ZNF169: variants seen among roughly 807,000 people sequenced by gnomAD.
The protein encoded by ZNF169 is zinc finger protein 169.
ZNF169 carries 11 observed loss-of-function variants against 12.0 expected under a neutral mutation model. The ratio of observed to expected loss-of-function variants is 0.92; its 90% CI spans 0.58 to 1.52. The LOEUF is 1.52. Ranked by LOEUF, ZNF169 falls within the 40% of genes most tolerant of loss-of-function variation. The pLI, the probability that ZNF169 is intolerant of heterozygous loss-of-function variation, is 0.00. For missense variants in ZNF169, 722 were observed against 744.0 expected (o/e 0.97, Z 0.34); for synonymous variants, 302 against 286.5 (o/e 1.05, Z -0.55).
At chr9:94,262,557 C>G (rs1830223336) in intron 1 of ZNF169, among the ~76,000 whole-genome samples, 1 of 152,028 alleles carries the variant, frequency 6.6e-6, no homozygotes, top group Admixed American at 6.6e-5. Context: ...CTCCCAAGTT[C>G]AAGCGATTCT....
chr9:94,274,127 A>G (rs1361191165), intron 1 of ZNF169, among the ~76,000 whole-genome samples: 3 of 152,078 alleles, frequency 2.0e-5, no homozygotes, highest in African/African-American at 7.2e-5. Flanking sequence ...GGAAGTTTTT[A>G]TGTCCAAATT....
intron 2 of ZNF169, chr9:94,287,953 T>C: frequency 1.2e-6 from 1 of 832,692 alleles, no homozygotes; most frequent in Non-Finnish European, 2.1e-6. Context: ...TCCAACTTCT[T>C]GTTCACCTTC....
intron 2 of ZNF169, among the ~76,000 whole-genome samples, chr9:94,290,927 G>C (rs867141512): frequency 5.3e-5 from 8 of 150,304 alleles, no homozygotes; most frequent in African/African-American, 2.0e-4. Flanking sequence ...ACAAAAATAT[G>C]TTTTTCTTTT....
At chr9:94,265,833 G>A (rs1288268876) in intron 1 of ZNF169, among the ~76,000 whole-genome samples, 2 of 152,060 alleles carry the variant, frequency 1.3e-5, no homozygotes, top group African/African-American at 2.4e-5. Context: ...CAGATCCTCA[G>A]TAAACTTGTT....
intron 4 of ZNF169, 137 bp downstream of exon 4, chr9:94,293,206 C>A: frequency 1.3e-6 from 1 of 762,876 alleles, no homozygotes; most frequent in South Asian, 1.5e-5. Context: ...GGCTGCATGG[C>A]ACTGCCTGCC....
At chr9:94,275,264 T>C (rs1221565012) in intron 1 of ZNF169, among the ~76,000 whole-genome samples, 1 of 152,028 alleles carries the variant, frequency 6.6e-6, no homozygotes, top group Non-Finnish European at 1.5e-5. Context: ...AGAAGTATGG[T>C]TTTTACTGAA....
chr9:94,299,114 G>A lies in ZNF169; in HGVS notation c.257-701G>A, dbSNP rs376715675. ...TACGTAGTGTTGTGCAATGCTATTC[G>A]GGGAATATACTTGGCTGCAGTCTTC... On this transcript the variant is annotated intron_variant, in intron 4 of 4. Transcript: ENST00000395395. 6.1e-4 allele frequency among the ~76,000 whole-genome samples: 93 copies of A among 152,184 alleles called. 1 individual carries two copies. In the South Asian group the frequency reaches 0.018, roughly 29 times the overall value.
At position 94,276,402 on chromosome 9, in the gene ZNF169, A is replaced by G. The variant is rs914859358; in HGVS notation, c.-55-2356A>G. On this transcript the variant is annotated intron_variant, in intron 1 of 4. Transcript: ENST00000395395. ...TGCCTCAGCCTCCGGAGTAGCTGGG[A>G]TTATGGGCGCCGCCACCACACCCAG... Among the ~76,000 whole-genome samples the G allele has an allele frequency of 2.0e-5, 3 of 152,012 alleles. No homozygotes were observed. The East Asian group carries it at 5.8e-4, about 30-fold the overall frequency.
At chr9:94,293,400 G>C (rs1203170740) in intron 4 of ZNF169, 1 of 597,682 alleles carries the variant, frequency 1.7e-6, no homozygotes, top group Non-Finnish European at 2.9e-6. Context: ...CTAAGTCCCT[G>C]CCCCTGGTTT....
At chr9:94,285,424 ATAT>A (rs1830705491) in intron 2 of ZNF169, among the ~76,000 whole-genome samples, 2 of 152,102 alleles carry the variant, frequency 1.3e-5, no homozygotes, top group South Asian at 4.1e-4. Context: ...AAAAGATATA[ATAT>A]TTATATCTTT....
Position 94,260,940 on chromosome 9 carries a change from C to T in ZNF169, c.-56+1595C>T, listed in dbSNP as rs539698767. On this transcript the variant is annotated intron_variant, in intron 1 of 4. Coordinates refer to ENST00000395395, the MANE Select transcript of ZNF169 (RefSeq NM_194320.4). ...GGTTCAAGCAATTCTCTGCCTCAGGCTCCTGAGTAGCTGGTACCACAGGCG... is the reference window on the plus strand; with the variant it reads ...GGTTCAAGCAATTCTCTGCCTCAGGTTCCTGAGTAGCTGGTACCACAGGCG... Among the ~76,000 whole-genome samples, 3 of 151,126 alleles carry T rather than the reference C, an allele frequency of 2.0e-5. No individual in the cohort carries two copies. In the East Asian group the frequency reaches 5.9e-4, roughly 30 times the overall value.
Position 94,301,443 on chromosome 9 carries a change from G to GAA in ZNF169, c.*83_*84dup, listed in dbSNP as rs371684843. 32 of 1,159,530 alleles carry GAA rather than the reference G, an allele frequency of 2.8e-5. No individual in the cohort carries two copies. Among genetic ancestry groups the GAA allele is most frequent in the African/African-American group, 1.1e-4 (7 of 63,586 alleles). 71.8% of individuals were successfully genotyped at this position (1,159,530 alleles called of 1,614,324 possible). ...TGCTTCAGTTTCCTGAAATGGAATG[G>GAA]AAAAAAAAAAATGTTGCTTTCTTTC... On this transcript the variant is annotated 3_prime_UTR_variant, in exon 5 of 5. Coordinates refer to ENST00000395395, the MANE Select transcript of ZNF169 (RefSeq NM_194320.4).
At chr9:94,274,468 T>A (rs1431034749) in intron 1 of ZNF169, among the ~76,000 whole-genome samples, 3 of 152,192 alleles carry the variant, frequency 2.0e-5, no homozygotes, top group Admixed American at 2.0e-4. Flanking sequence ...TCAAGGTTTT[T>A]AAAAATATCT....
At chr9:94,267,415 T>C (rs1263602733) in intron 1 of ZNF169, among the ~76,000 whole-genome samples, 1 of 152,212 alleles carries the variant, frequency 6.6e-6, no homozygotes, top group Non-Finnish European at 1.5e-5. Flanking sequence ...AACCAGTTTT[T>C]CCAATTGTGT....
intron 1 of ZNF169, among the ~76,000 whole-genome samples, chr9:94,259,990 C>A (rs914592939): frequency 1.3e-5 from 2 of 151,256 alleles, no homozygotes; most frequent in African/African-American, 4.9e-5. Flanking sequence ...ATCTCCGCGC[C>A]CCACCCCAGC....
rs1188943781 is a variant in ZNF169 at position 94,301,535 on chromosome 9, G to C, written c.*165G>C. 9.8e-6 allele frequency: 13 copies of C among 1,322,374 alleles called. No homozygotes were observed. The allele number at this position is 1,322,374 out of a possible 1,614,324, so 81.9% of individuals were successfully genotyped here. On this transcript the variant is annotated 3_prime_UTR_variant, in exon 5 of 5. Coordinates refer to ENST00000395395, the MANE Select transcript of ZNF169 (RefSeq NM_194320.4). ...TCACAATTTGTCTTGGCTTGCTAGGGGTTCCATAACAAAGTACCCCAGGCT... is the reference window on the plus strand; with the variant it reads ...TCACAATTTGTCTTGGCTTGCTAGGCGTTCCATAACAAAGTACCCCAGGCT...
intron 1 of ZNF169, among the ~76,000 whole-genome samples, chr9:94,265,102 C>T (rs1334991815): frequency 1.5e-5 from 2 of 137,814 alleles, no homozygotes; most frequent in Admixed American, 8.0e-5. Context: ...TTAAAAAAAA[C>T]CTGCCATACA....
In ZNF169 at chr9:94,272,851, T is replaced by G. The variant is rs182119353; in HGVS notation, c.-55-5907T>G. On this transcript the variant is annotated intron_variant, in intron 1 of 4. Coordinates refer to ENST00000395395, the MANE Select transcript of ZNF169 (RefSeq NM_194320.4). The stretch of plus-strand genomic sequence containing the variant: ...CACTAACAGTTCATTAAGGTTCTAC[T>G]TTTTTACATCCTTGTTAACACTTAT... Among the ~76,000 whole-genome samples, 3 of 152,290 alleles carry G rather than the reference T, an allele frequency of 2.0e-5. No individual in the cohort carries two copies. In the East Asian group the frequency reaches 5.8e-4, roughly 29 times the overall value.
chr9:94,259,673 A>G (rs965757737), intron 1 of ZNF169, among the ~76,000 whole-genome samples: 2 of 152,052 alleles, frequency 1.3e-5, no homozygotes, highest in East Asian at 3.9e-4. Context: ...CGTCCCCGGT[A>G]CTTCGGGGGC....
Sources: allele counts gnomAD v4.1 joint callset (sites outside exome capture counted in the v4.1 genomes callset), GRCh38; gene constraint gnomAD v4.1.1; transcripts MANE v1.5; gene names NCBI Gene and HGNC (gene_info 2026-07-23, HGNC 2026-07-21).